Variants in MLIP observed in about 807,000 individuals in gnomAD.
MLIP encodes muscular LMNA interacting protein, also known as muscular LMNA-interacting protein.
In MLIP, 79 loss-of-function variants were observed where a neutral mutation model predicts 84.8. That is an observed-to-expected ratio of 0.93 (90% confidence interval 0.78 to 1.12). The LOEUF is 1.12. Ranked by LOEUF, MLIP falls within the 50% of genes most tolerant of loss-of-function variation. MLIP has a pLI of 0.00. For missense variants in MLIP, 1,257 were observed against 1,160.6 expected (o/e 1.08, Z -1.21); for synonymous variants, 504 against 463.0 (o/e 1.09, Z -1.14).
intron 9 of MLIP, 121 bp from the exon 10 acceptor site, chr6:54,189,749 T>C (rs1777731954): frequency 2.8e-6 from 2 of 718,532 alleles, no homozygotes; most frequent in South Asian, 1.8e-5. Flanking sequence ...TCCTTTTCTT[T>C]ATACTTTTCA....
intron 3 of MLIP, 111 bp downstream of exon 3, chr6:54,124,976 A>G: frequency 3.4e-6 from 3 of 879,908 alleles, no homozygotes; most frequent in Middle Eastern, 3.7e-4. Context: ...ACTTTCAAAG[A>G]AAAATATATT....
intron 12 of MLIP, among the ~76,000 whole-genome samples, chr6:54,250,700 T>C (rs916439409): frequency 1.3e-5 from 2 of 152,134 alleles, no homozygotes; most frequent in African/African-American, 4.8e-5. Context: ...TCACTCATTT[T>C]ACCCATCCAC....
intron 12 of MLIP, among the ~76,000 whole-genome samples, chr6:54,249,062 A>G (rs910212082): frequency 1.3e-5 from 2 of 152,144 alleles, no homozygotes; most frequent in African/African-American, 4.8e-5. Flanking sequence ...TACCATCCCC[A>G]TCAGCATAAC....
At chr6:54,156,772 A>G (rs955992445) in intron 5 of MLIP, among the ~76,000 whole-genome samples, 1 of 152,090 alleles carries the variant, frequency 6.6e-6, no homozygotes, top group Non-Finnish European at 1.5e-5. Context: ...AGCACCTATC[A>G]TATTCTCTAT....
intron 1 of MLIP, chr6:54,031,549 T>C (rs1475748800): frequency 7.0e-6 from 1 of 142,376 alleles, no homozygotes; most frequent in South Asian, 2.4e-4. Context: ...TGTGTGTGCA[T>C]GCGCTTTATC....
At chr6:54,237,787 C>G (rs914064310) in intron 12 of MLIP, among the ~76,000 whole-genome samples, 1 of 151,960 alleles carries the variant, frequency 6.6e-6, no homozygotes, top group African/African-American at 2.4e-5. Context: ...GAAGTCAAGG[C>G]TGCACTGAAC....
chr6:54,041,348 T>C (rs546180752), intron 1 of MLIP, among the ~76,000 whole-genome samples: 3 of 152,268 alleles, frequency 2.0e-5, no homozygotes, highest in African/African-American at 7.2e-5. Context: ...AAATTGTTCA[T>C]GATTTTTGGC....
In MLIP at chr6:54,138,008, T is replaced by C. The variant is rs778331242; in HGVS notation, c.1939T>C (p.Ser647Pro). The change falls in exon 4 of 14, where the codon TCC (serine) becomes CCC (proline). Residue 647 changes from serine to proline, a missense_variant. Ser to Pro is a moderately conservative substitution (Grantham distance 74). Coordinates refer to ENST00000502396, the MANE Select transcript of MLIP (RefSeq NM_001281747.2). ...TTCAGCTCTTCCTTCACTCCCTGTC[T>C]CCAGTGCTGACTTTGCCTCTCTTCC... ...NPSALPSLPV[S>P]SADFASLPNL... is the part of the protein sequence containing the mutation. The C allele has an allele frequency of 1.8e-5, 28 of 1,535,954 alleles. No homozygotes were observed. Among genetic ancestry groups the C allele is most frequent in the Middle Eastern group, 3.3e-4 (2 of 6,012 alleles).
intron 1 of MLIP, among the ~76,000 whole-genome samples, chr6:54,063,951 TGTTTA>T (rs1766127106): frequency 6.6e-5 from 3 of 45,184 alleles, no homozygotes; most frequent in East Asian, 7.3e-4. Context: ...TTCCAATTAG[TGTTTA>T]ATTGGAAACA....
chr6:54,160,226 A>G (rs1774476353), intron 5 of MLIP, 141 bp from the exon 6 acceptor site: 1 of 662,288 alleles, frequency 1.5e-6, no homozygotes, highest in African/African-American at 1.8e-5. Context: ...AAATGTCTTC[A>G]TGTTAAAGAA....
chr6:54,055,044 C>A (rs903148909), intron 1 of MLIP, among the ~76,000 whole-genome samples: 2 of 152,072 alleles, frequency 1.3e-5, no homozygotes, highest in East Asian at 1.9e-4. Flanking sequence ...CCCGCCACCA[C>A]GCCCAGCTAT....
chr6:54,046,151 A>G (rs961608573), intron 1 of MLIP: 2 of 152,132 alleles, frequency 1.3e-5, no homozygotes, highest in Admixed American at 6.6e-5. Flanking sequence ...CTTCAGAAAC[A>G]TGTATCTCTT....
intron 12 of MLIP, among the ~76,000 whole-genome samples, chr6:54,246,060 G>T (rs1417077158): frequency 1.3e-5 from 2 of 152,124 alleles, no homozygotes; most frequent in South Asian, 4.1e-4. Flanking sequence ...ATCAAATAAT[G>T]ATACTCATTC....
At chr6:54,065,661 T>C (rs1164689648) in intron 1 of MLIP, among the ~76,000 whole-genome samples, 1 of 99,570 alleles carries the variant, frequency 1.0e-5, no homozygotes, top group African/African-American at 2.6e-5. Flanking sequence ...TCTGAAGCGG[T>C]TGGGTGGATT....
chr6:54,263,330 C>T (rs760451112), intron 13 of MLIP, among the ~76,000 whole-genome samples: 5 of 151,934 alleles, frequency 3.3e-5, no homozygotes, highest in Admixed American at 1.3e-4. Flanking sequence ...AATTACTGAA[C>T]GTTTTATAGC....
chr6:54,190,024 C>T lies in MLIP; in HGVS notation c.2589+110C>T. The T allele has an allele frequency of 2.6e-6, 2 of 762,794 alleles. 1 individual carries two copies. The highest frequency in any genetic ancestry group is 3.8e-5 in the South Asian group (2 of 52,228). 47.3% of individuals were successfully genotyped at this position (762,794 alleles called of 1,614,324 possible). ...CATTTACTATATATATTTTTATTCA[C>T]TTACTTGTCTAATAACATTTTACTG... On this transcript the variant is annotated intron_variant, in intron 10 of 13. Transcript: ENST00000502396.
intron 12 of MLIP, among the ~76,000 whole-genome samples, chr6:54,231,391 A>T (rs1419605334): frequency 2.6e-5 from 4 of 152,166 alleles, no homozygotes; most frequent in South Asian, 4.1e-4. Context: ...TTTAAAATGT[A>T]CCTGTCTGCT....
intron 11 of MLIP, chr6:54,217,123 AGG>A: frequency 1.0e-6 from 1 of 985,392 alleles, no homozygotes; most frequent in Non-Finnish European, 1.2e-6. Flanking sequence ...ATGGAGTGAA[AGG>A]CTCCAGTAAT....
chr6:54,213,734 A>AAAAAAAAAAAAAAAAACC lies in MLIP; in HGVS notation c.2718+11503_2718+11504insAAAAAAAAAAAAAACCAA, dbSNP rs368508685. ...AAAAAAAAAAAAAAAAAAAAAAAAA[A>AAAAAAAAAAAAAAAAACC]AACAACAAACAGCATATCTTGTATG... On this transcript the variant is annotated intron_variant, in intron 11 of 13. Coordinates refer to ENST00000502396, the MANE Select transcript of MLIP (RefSeq NM_001281747.2). 4.9e-5 allele frequency among the ~76,000 whole-genome samples: 4 copies of AAAAAAAAAAAAAAAAACC among 82,372 alleles called. 1 individual carries two copies. The highest frequency in any genetic ancestry group is 4.1e-4 in the South Asian group (1 of 2,424). The allele number at this position is 82,372 out of a possible 152,430, so 54.0% of individuals were successfully genotyped here.
Sources: allele counts gnomAD v4.1 joint callset (sites outside exome capture counted in the v4.1 genomes callset), GRCh38; gene constraint gnomAD v4.1.1; transcripts MANE v1.5; gene names NCBI Gene and HGNC (gene_info 2026-07-23, HGNC 2026-07-21).